PIK3R3: variants seen among roughly 807,000 people sequenced by gnomAD.
PIK3R3 encodes phosphoinositide-3-kinase regulatory subunit 3, also known as phosphatidylinositol 3-kinase regulatory subunit gamma.
In PIK3R3, 64 loss-of-function variants were observed where a neutral mutation model predicts 62.9. The observed-to-expected ratio is 1.02, with a 90% CI of 0.83 to 1.25. The LOEUF (loss-of-function observed/expected upper bound fraction) is 1.25. PIK3R3 is among the 50% of genes most tolerant of loss of function. PIK3R3 has a pLI of 0.00. For missense variants in PIK3R3, 614 were observed against 561.6 expected, an observed-to-expected ratio of 1.09 and a Z score of -0.94; for synonymous variants, 165 against 189.0, an observed-to-expected ratio of 0.87 and a Z score of 1.04.
Position 46,044,079 on chromosome 1 carries a change from TC to T in PIK3R3, c.1188-209del, listed in dbSNP as rs1458041639. 2.6e-4 allele frequency among the ~76,000 whole-genome samples: 32 copies of T among 122,018 alleles called. No individual in the cohort carries two copies. The highest frequency in any genetic ancestry group is 2.0e-3 in the East Asian group (7 of 3,424). The allele number at this position is 122,018 out of a possible 152,430, so 80.0% of individuals were successfully genotyped here. On this transcript the variant is annotated intron_variant, in intron 9 of 9. Coordinates refer to ENST00000262741, the MANE Select transcript of PIK3R3 (RefSeq NM_003629.4). The surrounding 1 kb of genome is among the most constrained non-coding windows in gnomAD (Gnocchi z 4.2). The stretch of plus-strand genomic sequence containing the variant: ...CCACAAATGTAAGGGTTTATTTATT[TC>T]TTTTTTTTTTTTTTAGACAGGGTCT...
In PIK3R3 at chr1:46,043,885, C is replaced by T; in HGVS notation, c.1188-14G>A. On this transcript the variant is annotated splice_polypyrimidine_tract_variant and intron_variant, in intron 9 of 9. Coordinates refer to ENST00000262741, the MANE Select transcript of PIK3R3 (RefSeq NM_003629.4). Reference sequence around the variant, plus strand: ...TCCCCATCGGCCCTGCAATGACAAACCACAGAAGAAATGTTAAGGTAGGTA... The same window carrying T: ...TCCCCATCGGCCCTGCAATGACAAATCACAGAAGAAATGTTAAGGTAGGTA... 1 of 1,605,482 alleles carries T rather than the reference C, an allele frequency of 6.2e-7. No homozygotes were observed. The highest frequency in any genetic ancestry group is 1.3e-5 in the African/African-American group (1 of 74,854).
Position 46,040,292 on chromosome 1 carries a change from TCTG to T in PIK3R3, c.*3378_*3380del. The T allele has an allele frequency of 4.3e-6, 1 of 232,458 alleles. No homozygotes were observed. Among genetic ancestry groups the T allele is most frequent in the Non-Finnish European group, 8.5e-6 (1 of 117,268 alleles). 14.4% of individuals were successfully genotyped at this position (232,458 alleles called of 1,614,324 possible). ...AATTGCACAGCAATGTCTGAACACA[TCTG>T]GTGACAAGAACAATTTGTAAAGTGG... On this transcript the variant is annotated 3_prime_UTR_variant, in exon 10 of 10. Coordinates refer to ENST00000262741, the MANE Select transcript of PIK3R3 (RefSeq NM_003629.4).
At chr1:46,112,174 T>C (rs1376050193) in intron 1 of PIK3R3, among the ~76,000 whole-genome samples, 2 of 152,162 alleles carry the variant, frequency 1.3e-5, no homozygotes, top group East Asian at 3.8e-4. Flanking sequence ...ATGTGAAACA[T>C]TGTTTTTGGT....
At chr1:46,067,265 T>C (rs1368451445) in intron 3 of PIK3R3, among the ~76,000 whole-genome samples, 174 bp from the exon 4 acceptor site, 1 of 147,090 alleles carries the variant, frequency 6.8e-6, no homozygotes, top group African/African-American at 2.5e-5. Flanking sequence ...TATATATATA[T>C]ATATATATAT....
At chr1:46,113,660 C>T (rs1653930131) in intron 1 of PIK3R3, among the ~76,000 whole-genome samples, 2 of 152,184 alleles carry the variant, frequency 1.3e-5, no homozygotes, top group Admixed American at 1.3e-4. Flanking sequence ...TTTATTCAGG[C>T]TGTTACGTCT....
chr1:46,144,782 AC>A, the PIK3R3 span, among the ~76,000 whole-genome samples: 13 of 141,384 alleles, frequency 9.2e-5, no homozygotes, highest in Admixed American at 4.2e-4. Flanking sequence ...AAAAAAAAAA[AC>A]GACTCAATTC....
chr1:46,125,234 TTATAA>T (rs777220673), intron 1 of PIK3R3, among the ~76,000 whole-genome samples: 10 of 152,158 alleles, frequency 6.6e-5, no homozygotes, highest in African/African-American at 1.2e-4. Flanking sequence ...ACACTATACA[TTATAA>T]TATATTAAAT....
chr1:46,080,636 A>T lies in PIK3R3; in HGVS notation c.215+6T>A. On this transcript the variant is annotated splice_donor_region_variant and intron_variant, in intron 2 of 9. Transcript: ENST00000262741. ...CTGCATTCAATTACAGTAGCATTCT[A>T]GTTACCTTGAAATATCCCCCCAGTA... 6.5e-7 allele frequency: 1 copy of T among 1,535,422 alleles called. No individual in the cohort carries two copies. Among genetic ancestry groups the T allele is most frequent in the Non-Finnish European group, 9.0e-7 (1 of 1,112,052 alleles).
intron 1 of PIK3R3, among the ~76,000 whole-genome samples, chr1:46,103,441 G>A (rs1247507674): frequency 6.6e-6 from 1 of 151,814 alleles, no homozygotes; most frequent in African/African-American, 2.4e-5. Context: ...ACAGTGGCAG[G>A]TGCCTGTAAT....
chr1:46,087,271 A>T (rs997352026), intron 1 of PIK3R3, among the ~76,000 whole-genome samples: 7 of 152,124 alleles, frequency 4.6e-5, no homozygotes, highest in African/African-American at 1.4e-4. Context: ...ATAATAATAA[A>T]AAAAAGAAAG....
rs974042992 is a variant in PIK3R3 at position 46,061,372 on chromosome 1, C to T, written c.764+557G>A. Among the ~76,000 whole-genome samples, 19 of 152,308 alleles carry T rather than the reference C, an allele frequency of 1.2e-4. No homozygotes were observed. The East Asian group carries it at 3.5e-3, about 28-fold the overall frequency. ...CCTCATTATCGTTTAACCTGATGACCACAACTGTTGCAGTCATGTGCAAGT... is the reference window on the plus strand; with the variant it reads ...CCTCATTATCGTTTAACCTGATGACTACAACTGTTGCAGTCATGTGCAAGT... On this transcript the variant is annotated intron_variant, in intron 6 of 9. Transcript: ENST00000262741.
the PIK3R3 span, among the ~76,000 whole-genome samples, chr1:46,152,547 C>T: frequency 2.0e-5 from 3 of 150,922 alleles, no homozygotes; most frequent in Admixed American, 6.6e-5. Flanking sequence ...TTGGATTGTA[C>T]GCTGATTAAC....
At chr1:46,087,980 T>A (rs1053106719) in intron 1 of PIK3R3, among the ~76,000 whole-genome samples, 1 of 152,204 alleles carries the variant, frequency 6.6e-6, no homozygotes, top group South Asian at 2.1e-4. Context: ...TAGTATTTAA[T>A]GGGTATAGAG....
intron 1 of PIK3R3, among the ~76,000 whole-genome samples, chr1:46,089,160 G>A (rs973144270): frequency 2.6e-5 from 4 of 152,118 alleles, no homozygotes; most frequent in Admixed American, 6.6e-5. Flanking sequence ...GAAACCAGGC[G>A]GTGTAAAATG....
chr1:46,155,750 C>A, the PIK3R3 span, among the ~76,000 whole-genome samples: 1 of 152,184 alleles, frequency 6.6e-6, no homozygotes. Flanking sequence ...GTGTGAGCCA[C>A]CATGCCCAGC....
At chr1:46,058,332 G>A (rs985559947) in intron 6 of PIK3R3, among the ~76,000 whole-genome samples, 4 of 152,250 alleles carry the variant, frequency 2.6e-5, no homozygotes, top group Admixed American at 1.3e-4. Context: ...GAAATGCGGG[G>A]TCGAAGCCGC....
intron 1 of PIK3R3, 104 bp from the exon 2 acceptor site, chr1:46,080,854 TATCA>T (rs1650517923): frequency 1.4e-6 from 1 of 690,648 alleles, no homozygotes; most frequent in Non-Finnish European, 2.5e-6. Flanking sequence ...TTCTAATAAT[TATCA>T]ATCAAATTGA....
chr1:46,072,766 A>T (rs1055255558), intron 3 of PIK3R3, among the ~76,000 whole-genome samples: 1 of 152,040 alleles, frequency 6.6e-6, no homozygotes, highest in Non-Finnish European at 1.5e-5. Context: ...CCTGGGCAAC[A>T]TAGTGAGACC....
intron 6 of PIK3R3, among the ~76,000 whole-genome samples, chr1:46,058,340 C>T (rs189887587): frequency 3.9e-5 from 6 of 152,334 alleles, no homozygotes; most frequent in South Asian, 2.1e-4. Flanking sequence ...GGGTCGAAGC[C>T]GCCACACAGA....
Sources: gnomAD v4.1 joint callset for allele counts (sites outside exome capture counted in the v4.1 genomes callset) on GRCh38, gnomAD v4.1.1 for gene constraint, Gnocchi (gnomAD v3.1) non-coding constraint, MANE v1.5 for transcripts, NCBI Gene and HGNC (gene_info 2026-07-23, HGNC 2026-07-21) for gene names.